The following MECOM variants were observed in gnomAD, a reference collection of about 807,000 sequenced individuals.
MECOM encodes histone-lysine N-methyltransferase MECOM.
In MECOM, 13 loss-of-function variants were observed where a neutral mutation model predicts 116.3. The observed-to-expected ratio is 0.11, with a 90% confidence interval of 0.07 to 0.18. MECOM has a LOEUF of 0.18. MECOM is among the 10% of genes least tolerant of loss of function. MECOM has a pLI of 1.00. For synonymous variants in MECOM, 528 were observed against 535.2 expected (o/e 0.99, Z 0.19); for missense variants, 1,299 against 1,509.0 (o/e 0.86, Z 2.31).
At chr3:169,422,286 T>C (rs1360344823) in intron 1 of MECOM, among the ~76,000 whole-genome samples, 2 of 152,100 alleles carry the variant, frequency 1.3e-5, no homozygotes, top group Non-Finnish European at 2.9e-5. Flanking sequence ...AGAAAACTGA[T>C]ATGTTCTGTA....
Position 169,457,966 on chromosome 3 carries a change from A to G in MECOM, c.38-76442T>C, listed in dbSNP as rs144364782. On this transcript the variant is annotated intron_variant, in intron 1 of 16. Coordinates refer to ENST00000651503, the MANE Select transcript of MECOM (RefSeq NM_004991.4). ...CAGGTTTAATACTAATTGATTTATTACCTGCCTAAGCAAATCCCAAGCTGC... is the reference window on the plus strand; with the variant it reads ...CAGGTTTAATACTAATTGATTTATTGCCTGCCTAAGCAAATCCCAAGCTGC... Among the ~76,000 whole-genome samples the G allele has an allele frequency of 1.7e-3, 261 of 152,356 alleles. 3 individuals carry two copies. Among genetic ancestry groups the G allele is most frequent in the African/African-American group, 5.4e-3 (225 of 41,588 alleles).
chr3:169,120,186 A>T (rs537722454), intron 7 of MECOM, among the ~76,000 whole-genome samples: 1 of 152,324 alleles, frequency 6.6e-6, no homozygotes, highest in African/African-American at 2.4e-5. Flanking sequence ...CATTGTATTT[A>T]TATGCCCCGC....
At chr3:169,565,160 G>A (rs147949849) in intron 1 of MECOM, among the ~76,000 whole-genome samples, 1 of 152,232 alleles carries the variant, frequency 6.6e-6, no homozygotes, top group East Asian at 1.9e-4. Flanking sequence ...GGGTGTCCAG[G>A]GTCTGAACTC....
At chr3:169,465,981 G>T (rs187283955) in intron 1 of MECOM, among the ~76,000 whole-genome samples, 32 of 152,282 alleles carry the variant, frequency 2.1e-4, no homozygotes, top group Admixed American at 1.4e-3. Context: ...TGAAGTCATG[G>T]TGTAAAAATC....
At chr3:169,416,315 C>G (rs578206595) in intron 1 of MECOM, among the ~76,000 whole-genome samples, 1 of 152,064 alleles carries the variant, frequency 6.6e-6, no homozygotes, top group Non-Finnish European at 1.5e-5. Context: ...TAAATAAGTT[C>G]TCTGAAACCA....
At chr3:169,456,886 G>A (rs538569794) in intron 1 of MECOM, among the ~76,000 whole-genome samples, 18 of 152,122 alleles carry the variant, frequency 1.2e-4, no homozygotes, top group Non-Finnish European at 1.9e-4. Context: ...GTTCTCGCCG[G>A]GTGTGCTTTT....
intron 1 of MECOM, among the ~76,000 whole-genome samples, chr3:169,560,666 G>A (rs967297117): frequency 6.6e-6 from 1 of 151,982 alleles, no homozygotes; most frequent in Non-Finnish European, 1.5e-5. Context: ...GCATACTTCT[G>A]TTTAAAATGA....
At chr3:169,306,653 C>T (rs1327499429) in intron 2 of MECOM, among the ~76,000 whole-genome samples, 1 of 152,182 alleles carries the variant, frequency 6.6e-6, no homozygotes, top group Non-Finnish European at 1.5e-5. Flanking sequence ...TGCACTCCAG[C>T]CTGGGTGACA....
At chr3:169,495,672 C>T (rs988195108) in intron 1 of MECOM, among the ~76,000 whole-genome samples, 1 of 152,080 alleles carries the variant, frequency 6.6e-6, no homozygotes, top group African/African-American at 2.4e-5. Context: ...GCTAAATGGC[C>T]CAAACCTGAA....
At chr3:169,478,849 A>T (rs1054674723) in intron 1 of MECOM, among the ~76,000 whole-genome samples, 1 of 152,186 alleles carries the variant, frequency 6.6e-6, no homozygotes, top group Non-Finnish European at 1.5e-5. Context: ...TCATTTTACA[A>T]TTCAGAGAGC....
chr3:169,335,236 A>G (rs1300771528), intron 2 of MECOM, among the ~76,000 whole-genome samples: 1 of 152,170 alleles, frequency 6.6e-6, no homozygotes, highest in Non-Finnish European at 1.5e-5. Context: ...CAACAGAGCA[A>G]AAACAGCCTT....
chr3:169,402,898 A>G (rs181478050), intron 1 of MECOM, among the ~76,000 whole-genome samples: 2 of 152,288 alleles, frequency 1.3e-5, no homozygotes, highest in East Asian at 3.9e-4. Flanking sequence ...GTGTTGCCTG[A>G]AGTGGTATTC....
Position 169,382,857 on chromosome 3 carries a change from AAAAAAAATAAAAAAAAT to A in MECOM, c.38-1350_38-1334del, listed in dbSNP as rs1406824101. Reference sequence around the variant, plus strand: ...AGACTGAAAGCCCATCTCAAAAAAAAAAAAAAATAAAAAAAATAAAAAAAGAAGGTAAAATGGGTTGC... The same window carrying A: ...AGACTGAAAGCCCATCTCAAAAAAAAAAAAAAAGAAGGTAAAATGGGTTGC... On this transcript the variant is annotated intron_variant, in intron 1 of 16. Coordinates refer to ENST00000651503, the MANE Select transcript of MECOM (RefSeq NM_004991.4). Among the ~76,000 whole-genome samples the A allele has an allele frequency of 2.4e-3, 247 of 103,208 alleles. 20 individuals carry two copies. In the East Asian group the frequency reaches 0.095, roughly 40 times the overall value. 67.7% of individuals were successfully genotyped at this position (103,208 alleles called of 152,430 possible).
At chr3:169,118,296 TGG>T (rs1188708043) in intron 7 of MECOM, among the ~76,000 whole-genome samples, 3 of 152,164 alleles carry the variant, frequency 2.0e-5, no homozygotes, top group Non-Finnish European at 2.9e-5. Flanking sequence ...CCTTCAATTG[TGG>T]GATGAATCAC....
At chr3:169,094,010 T>C (rs1720704460) in intron 13 of MECOM, among the ~76,000 whole-genome samples, 1 of 152,196 alleles carries the variant, frequency 6.6e-6, no homozygotes, top group South Asian at 2.1e-4. Context: ...AAAATTATAG[T>C]TGTATGCTAT....
At position 169,274,755 on chromosome 3, in the gene MECOM, G is replaced by A. The variant is rs563122441; in HGVS notation, c.375+106432C>T. Among the ~76,000 whole-genome samples, 6 of 152,244 alleles carry A rather than the reference G, an allele frequency of 3.9e-5. No homozygotes were observed. In the South Asian group the frequency reaches 1.2e-3, roughly 32 times the overall value. ...GTTAAAAATTAAGTTCCTCACTCAC[G>A]CTAGTGCTCAATAGCTACATAGGAC... On this transcript the variant is annotated intron_variant, in intron 2 of 16. Transcript: ENST00000651503.
intron 3 of MECOM, chr3:169,133,885 T>C (rs1274670866): frequency 2.4e-6 from 3 of 1,276,522 alleles, no homozygotes; most frequent in Admixed American, 2.3e-5. Flanking sequence ...TAGAAAACAA[T>C]GGACTTCTCT....
At chr3:169,318,960 A>G (rs1305909170) in intron 2 of MECOM, among the ~76,000 whole-genome samples, 5 of 151,994 alleles carry the variant, frequency 3.3e-5, no homozygotes, top group Non-Finnish European at 7.4e-5. Context: ...TTAGCTGGGC[A>G]TGGTGGTGGG....
chr3:169,277,629 T>G (rs945654097), intron 2 of MECOM, among the ~76,000 whole-genome samples: 18 of 152,102 alleles, frequency 1.2e-4, no homozygotes, highest in African/African-American at 3.9e-4. Flanking sequence ...CTAATGGGGG[T>G]CCTTTCTTCA....
Sources: gnomAD v4.1 joint callset for allele counts (sites outside exome capture counted in the v4.1 genomes callset) on GRCh38, gnomAD v4.1.1 for gene constraint, MANE v1.5 for transcripts, NCBI Gene and HGNC (gene_info 2026-07-23, HGNC 2026-07-21) for gene names.